Variants in TENM2 observed in about 807,000 individuals in gnomAD.
TENM2 encodes the protein teneurin-2.
A neutral mutation model predicts 245.2 loss-of-function variants in TENM2; 52 were observed. That is an observed-to-expected ratio of 0.21 (90% confidence interval 0.17 to 0.27). The LOEUF (loss-of-function observed/expected upper bound fraction) is 0.27. TENM2 is among the 10% of genes least tolerant of loss of function. TENM2 has a pLI of 1.00. For synonymous variants in TENM2, 1,363 were observed against 1,438.9 expected (o/e 0.95, Z 1.19); for missense variants, 3,046 against 3,666.8 (o/e 0.83, Z 4.37).
At chr5:167,013,242 T>G in the TENM2 span, among the ~76,000 whole-genome samples, 1 of 152,180 alleles carries the variant, frequency 6.6e-6, no homozygotes, top group Non-Finnish European at 1.5e-5. Context: ...CCCCTTGTCC[T>G]GATCTGAAAG....
At chr5:167,450,982 T>A (rs1206235523) in intron 2 of TENM2, among the ~76,000 whole-genome samples, 3 of 152,252 alleles carry the variant, frequency 2.0e-5, no homozygotes, top group Non-Finnish European at 4.4e-5. Flanking sequence ...CTTATTTTTT[T>A]ATCATAAAAA....
At chr5:167,882,456 A>G (rs77000604) in intron 3 of TENM2, among the ~76,000 whole-genome samples, 254 of 152,362 alleles carry the variant, frequency 1.7e-3, no homozygotes, top group Non-Finnish European at 2.7e-3. Flanking sequence ...ATTTTTGTCA[A>G]GTCATTCAAT....
At chr5:167,384,664 C>T (rs1381699877) in intron 2 of TENM2, among the ~76,000 whole-genome samples, 1 of 151,866 alleles carries the variant, frequency 6.6e-6, no homozygotes, top group Non-Finnish European at 1.5e-5. Context: ...TAGGAAGCAT[C>T]TGATTAAAAC....
chr5:167,091,780 T>A, the TENM2 span, among the ~76,000 whole-genome samples: 1 of 152,160 alleles, frequency 6.6e-6, no homozygotes, highest in East Asian at 1.9e-4. Flanking sequence ...GCTTCTAATA[T>A]AATGAAAGTA....
chr5:168,219,824 CAAAAAAAAAAAAAAA>C (rs70976468), intron 23 of TENM2, among the ~76,000 whole-genome samples: 5 of 49,822 alleles, frequency 1.0e-4, no homozygotes, highest in Admixed American at 3.0e-4. Context: ...GTTGGCACAG[CAAAAAAAAAAAAAAA>C]AAAAAAAAAA....
intron 3 of TENM2, among the ~76,000 whole-genome samples, chr5:167,905,152 A>G (rs1450583643): frequency 1.3e-5 from 2 of 152,192 alleles, no homozygotes; most frequent in African/African-American, 4.8e-5. Context: ...GTAAAAAGAA[A>G]GAAACCCCCA....
chr5:167,426,860 A>G (rs1296006744), intron 2 of TENM2, among the ~76,000 whole-genome samples: 1 of 152,156 alleles, frequency 6.6e-6, no homozygotes, highest in Non-Finnish European at 1.5e-5. Context: ...TTTCAATACT[A>G]AATTGATCAT....
At chr5:168,238,958 A>G (rs893069722) in intron 25 of TENM2, among the ~76,000 whole-genome samples, 7 of 152,216 alleles carry the variant, frequency 4.6e-5, no homozygotes, top group African/African-American at 1.4e-4. Context: ...CCGACTGGGA[A>G]GGGAATCGTG....
intron 7 of TENM2, among the ~76,000 whole-genome samples, chr5:168,067,982 C>A (rs1017856581): frequency 6.6e-6 from 1 of 152,036 alleles, no homozygotes; most frequent in African/African-American, 2.4e-5. Context: ...CTGTAGAGAA[C>A]GATTGTGTGA....
At chr5:167,591,895 A>T (rs1775901678) in intron 2 of TENM2, among the ~76,000 whole-genome samples, 1 of 152,214 alleles carries the variant, frequency 6.6e-6, no homozygotes, top group Non-Finnish European at 1.5e-5. Flanking sequence ...TAACAATTTC[A>T]TAATGCTTTG....
chr5:166,995,982 T>C, the TENM2 span, among the ~76,000 whole-genome samples: 1 of 151,936 alleles, frequency 6.6e-6, no homozygotes, highest in East Asian at 1.9e-4. Flanking sequence ...TTAAATAATA[T>C]TTTTATTTTT....
chr5:167,935,111 G>T (rs1778602394), intron 3 of TENM2, among the ~76,000 whole-genome samples: 1 of 152,190 alleles, frequency 6.6e-6, no homozygotes, highest in African/African-American at 2.4e-5. Context: ...AATGGGACAA[G>T]GTACTGCTCT....
At chr5:168,001,542 A>G (rs2152042448) in intron 5 of TENM2, among the ~76,000 whole-genome samples, 1 of 152,354 alleles carries the variant, frequency 6.6e-6, no homozygotes, top group Admixed American at 6.5e-5. Context: ...TTATATGGTA[A>G]ATTAGGTCTC....
chr5:167,058,438 A>G, the TENM2 span, among the ~76,000 whole-genome samples: 2 of 152,212 alleles, frequency 1.3e-5, no homozygotes, highest in African/African-American at 4.8e-5. Context: ...AGCTATTGCT[A>G]TTAGGTGTAT....
Position 167,769,814 on chromosome 5 carries a change from C to CCAT in TENM2, c.503-106171_503-106169dup, listed in dbSNP as rs575039345. ...TTGCCTATGAATACAAGGATTGTGT[C>CCAT]CATTGAGGGATGGCTTTCAAGACAA... On this transcript the variant is annotated intron_variant, in intron 2 of 28. Transcript: ENST00000518659. Among the ~76,000 whole-genome samples, 531 of 152,188 alleles carry CCAT rather than the reference C, an allele frequency of 3.5e-3. 1 individual carries two copies. The highest frequency in any genetic ancestry group is 0.012 in the African/African-American group (496 of 41,540).
At chr5:167,421,555 A>G (rs1007178219) in intron 2 of TENM2, among the ~76,000 whole-genome samples, 4 of 152,162 alleles carry the variant, frequency 2.6e-5, no homozygotes, top group Admixed American at 2.0e-4. Context: ...GATACGTTCA[A>G]TGGGCATTGT....
intron 2 of TENM2, among the ~76,000 whole-genome samples, chr5:167,467,330 A>G (rs1482626180): frequency 6.6e-6 from 1 of 152,076 alleles, no homozygotes; most frequent in African/African-American, 2.4e-5. Flanking sequence ...CATGATTGAA[A>G]GTTACCTGAG....
intron 27 of TENM2, among the ~76,000 whole-genome samples, chr5:168,258,328 T>C (rs145740646): frequency 0.015 from 2,351 of 152,022 alleles, 59 homozygotes; most frequent in African/African-American, 0.054. Flanking sequence ...GGTGAAACCC[T>C]GTCTCTACTA....
chr5:167,355,520 G>A (rs1759254510), intron 1 of TENM2, among the ~76,000 whole-genome samples: 1 of 152,162 alleles, frequency 6.6e-6, no homozygotes, highest in Admixed American at 6.5e-5. Context: ...GAATTAATGA[G>A]GCTCCTAACC....
Sources: allele counts gnomAD v4.1 joint callset (sites outside exome capture counted in the v4.1 genomes callset), GRCh38; gene constraint gnomAD v4.1.1; transcripts MANE v1.5; gene names NCBI Gene and HGNC (gene_info 2026-07-23, HGNC 2026-07-21).